Variants in ANKRD52 observed in about 807,000 individuals in gnomAD.
ANKRD52 encodes serine/threonine-protein phosphatase 6 regulatory ankyrin repeat subunit C.
A neutral mutation model predicts 116.0 loss-of-function variants in ANKRD52; 7 were observed. That is an observed-to-expected ratio of 0.06 (90% CI 0.03 to 0.11). The LOEUF (loss-of-function observed/expected upper bound fraction) is 0.11. Ranked by LOEUF, ANKRD52 falls within the 10% of genes least tolerant of loss-of-function variation. The pLI is 1.00. For missense variants in ANKRD52, 839 were observed against 1,408.6 expected, an observed-to-expected ratio of 0.60 and a Z score of 6.47; for synonymous variants, 528 against 578.1, an observed-to-expected ratio of 0.91 and a Z score of 1.24.
At position 56,244,240 on chromosome 12, in the gene ANKRD52, C is replaced by T. The variant is rs1374003223; in HGVS notation, c.2806-107G>A. The T allele has an allele frequency of 4.6e-6, 7 of 1,523,568 alleles. No homozygotes were observed. Among genetic ancestry groups the T allele is most frequent in the Middle Eastern group, 1.7e-4 (1 of 5,920 alleles). The allele number at this position is 1,523,568 out of a possible 1,614,324, so 94.4% of individuals were successfully genotyped here. On this transcript the variant is annotated intron_variant, in intron 25 of 27. Transcript: ENST00000267116. This position sits in a 1 kb window ranked among gnomAD's most constrained non-coding sequence, Gnocchi z 4.9. ...GAGGACAAACAGCTGCCCAACCAGT[C>T]GGATAGGCTGGACAATCCTCACTTC...
chr12:56,247,727 C>T lies in ANKRD52; in HGVS notation c.2026G>A (p.Glu676Lys). 1 of 1,612,636 alleles carries T rather than the reference C, an allele frequency of 6.2e-7. No individual in the cohort carries two copies. The highest frequency in any genetic ancestry group is 1.1e-5 in the South Asian group (1 of 90,686). The change falls in exon 19 of 28, where the codon GAA (glutamate) becomes AAA (lysine). Residue 676 changes from glutamate to lysine, a missense_variant. This residue lies in a region of ANKRD52 where 552 missense variants were observed against 810.6 expected (regional missense o/e 0.68). Coordinates refer to ENST00000267116, the MANE Select transcript of ANKRD52 (RefSeq NM_173595.4). ...DSLHLLIDSG[E>K]RADITDVMDA... is the part of the protein sequence containing the mutation. ...ATGACATCTGTGATGTCAGCTCGTTCCCCACTGTCGATCAGCAAGTGCAGG... is the reference window on the plus strand; with the variant it reads ...ATGACATCTGTGATGTCAGCTCGTTTCCCACTGTCGATCAGCAAGTGCAGG...
rs1313532697 is a variant in ANKRD52, at chr12:56,241,057, A to C, written c.*2085T>G. On this transcript the variant is annotated 3_prime_UTR_variant, in exon 28 of 28. Transcript: ENST00000267116. The stretch of plus-strand genomic sequence containing the variant: ...GAATTGAAGGGAAGGCAAGCTTTGC[A>C]GAGCCAGCAGGGTTGGGGATGGGGG... 1 of 152,282 alleles carries C rather than the reference A, an allele frequency of 6.6e-6. No individual in the cohort carries two copies. The highest frequency in any genetic ancestry group is 1.5e-5 in the Non-Finnish European group (1 of 68,084). 9.4% of individuals were successfully genotyped at this position (152,282 alleles called of 1,614,324 possible).
In ANKRD52 at chr12:56,241,155, G is replaced by C. The variant is rs1472026676; in HGVS notation, c.*1987C>G. On this transcript the variant is annotated 3_prime_UTR_variant, in exon 28 of 28. Transcript: ENST00000267116. ...ACGGTGTGGAGGGAGGTGGGCAAGA[G>C]GGGCGTCACAAGGCCCTTTGGCTTT... 2 of 145,884 alleles carry C rather than the reference G, an allele frequency of 1.4e-5. No homozygotes were observed. The highest frequency in any genetic ancestry group is 4.1e-4 in the East Asian group (2 of 4,852). The allele number at this position is 145,884 out of a possible 1,614,324, so 9.0% of individuals were successfully genotyped here. A position where few individuals can be genotyped will look rare whatever the true frequency, so the allele number is the denominator to read the frequency against.
chr12:56,250,934 TTTTA>T (rs933052882), intron 15 of ANKRD52, among the ~76,000 whole-genome samples: 9 of 152,032 alleles, frequency 5.9e-5, no homozygotes, highest in Admixed American at 3.3e-4. Flanking sequence ...TTTTATTTAA[TTTTA>T]TTTATTTATT....
At position 56,254,791 on chromosome 12, in the gene ANKRD52, G is replaced by A; in HGVS notation, c.551-71C>T. 1.1e-5 allele frequency: 18 copies of A among 1,599,784 alleles called. No individual in the cohort carries two copies. The highest frequency in any genetic ancestry group is 1.5e-5 in the Non-Finnish European group (17 of 1,167,898). On this transcript the variant is annotated intron_variant, in intron 6 of 27. Coordinates refer to ENST00000267116, the MANE Select transcript of ANKRD52 (RefSeq NM_173595.4). The surrounding 1 kb of genome is among the most constrained non-coding windows in gnomAD (Gnocchi z 4.6). Reference sequence around the variant, plus strand: ...AAGACCCTACACTCCTCTCTTCAAAGGCTGCAACCCCACATCCCTGCCCTA... The same window carrying A: ...AAGACCCTACACTCCTCTCTTCAAAAGCTGCAACCCCACATCCCTGCCCTA...
chr12:56,256,987 A>G (rs756402754), intron 4 of ANKRD52, 28 bp downstream of exon 4: 1 of 1,598,608 alleles, frequency 6.3e-7, no homozygotes, highest in East Asian at 2.2e-5. Context: ...TCCTTTTTGA[A>G]AGGGTAATAG....
At position 56,255,753 on chromosome 12, in the gene ANKRD52, C is replaced by T. The variant is rs761659437; in HGVS notation, c.462+31G>A. The T allele has an allele frequency of 3.3e-6, 5 of 1,529,128 alleles. No individual in the cohort carries two copies. The highest frequency in any genetic ancestry group is 2.5e-5 in the East Asian group (1 of 40,764). 94.7% of individuals were successfully genotyped at this position (1,529,128 alleles called of 1,614,324 possible). A position where few individuals can be genotyped will look rare whatever the true frequency, so the allele number is the denominator to read the frequency against. On this transcript the variant is annotated intron_variant, in intron 5 of 27. Coordinates refer to ENST00000267116, the MANE Select transcript of ANKRD52 (RefSeq NM_173595.4). This position sits in a 1 kb window ranked among gnomAD's most constrained non-coding sequence, Gnocchi z 4.3. Reference sequence around the variant, plus strand: ...TAGGAAGGTAAGAAAAGGGAAAGCCCCAGCTGGGCCTGGATGGGAACAGTC... The same window carrying T: ...TAGGAAGGTAAGAAAAGGGAAAGCCTCAGCTGGGCCTGGATGGGAACAGTC...
In ANKRD52 at chr12:56,252,688, G is replaced by T; in HGVS notation, c.1301+92C>A. Reference sequence around the variant, plus strand: ...TCTGCTGTGACTGCTTTCATTGTGAGAGGGGGAATAGATCTGGGCAGGCAA... The same window carrying T: ...TCTGCTGTGACTGCTTTCATTGTGATAGGGGGAATAGATCTGGGCAGGCAA... On this transcript the variant is annotated intron_variant, in intron 12 of 27. Transcript: ENST00000267116. This position sits in a 1 kb window ranked among gnomAD's most constrained non-coding sequence, Gnocchi z 4.7. The T allele has an allele frequency of 6.5e-7, 1 of 1,536,410 alleles. No individual in the cohort carries two copies. The highest frequency in any genetic ancestry group is 9.0e-7 in the Non-Finnish European group (1 of 1,112,944).
At position 56,255,973 on chromosome 12, in the gene ANKRD52, C is replaced by T; in HGVS notation, c.273G>A (p.Gly91=). Reference sequence around the variant, plus strand: ...CATCTGCTGAATGTGCCAGCAGCAGCCCCAGCACCTTCTGTTGAGGGGCAG... The same window carrying T: ...CATCTGCTGAATGTGCCAGCAGCAGTCCCAGCACCTTCTGTTGAGGGGCAG... ...AAASRNEKVL[G]LLLAHSADVN... is the part of the protein sequence containing the mutation. The change falls in exon 5 of 28, where the codon GGG becomes GGA. Residue 91 remains glycine, a synonymous_variant. Transcript: ENST00000267116. This position sits in a 1 kb window ranked among gnomAD's most constrained non-coding sequence, Gnocchi z 4.3. 1 of 1,567,886 alleles carries T rather than the reference C, an allele frequency of 6.4e-7. No individual in the cohort carries two copies. Among genetic ancestry groups the T allele is most frequent in the Non-Finnish European group, 8.7e-7 (1 of 1,154,288 alleles).
At position 56,244,644 on chromosome 12, in the gene ANKRD52, C is replaced by A. The variant is rs998281025; in HGVS notation, c.2722+8G>T. On this transcript the variant is annotated splice_region_variant and intron_variant, in intron 24 of 27. Coordinates refer to ENST00000267116, the MANE Select transcript of ANKRD52 (RefSeq NM_173595.4). The surrounding 1 kb of genome is among the most constrained non-coding windows in gnomAD (Gnocchi z 4.9). ...AGCTCCTCCCTTCCACAAGTGGCCC[C>A]TACACACCCACAGCAGCGGTCTGCC... is the stretch of plus-strand genomic sequence containing the variant. 3.1e-6 allele frequency: 5 copies of A among 1,613,440 alleles called. No individual in the cohort carries two copies. In the African/African-American group the frequency reaches 4.0e-5, roughly 13 times the overall value.
rs1871198768 is a variant in ANKRD52, at chr12:56,242,257, C to T, written c.*885G>A. 2.5e-6 allele frequency: 1 copy of T among 398,168 alleles called. No individual in the cohort carries two copies. The highest frequency in any genetic ancestry group is 4.4e-5 in the Admixed American group (1 of 22,680). 24.7% of individuals were successfully genotyped at this position (398,168 alleles called of 1,614,324 possible). On this transcript the variant is annotated 3_prime_UTR_variant, in exon 28 of 28. Coordinates refer to ENST00000267116, the MANE Select transcript of ANKRD52 (RefSeq NM_173595.4). This position sits in a 1 kb window ranked among gnomAD's most constrained non-coding sequence, Gnocchi z 4.3. Reference sequence around the variant, plus strand: ...GGCAGGAAATTAATTTGTTTCTTCCCCTAAAGGATAAAACGCTTACTTAAA... The same window carrying T: ...GGCAGGAAATTAATTTGTTTCTTCCTCTAAAGGATAAAACGCTTACTTAAA...
rs767440564 is a variant in ANKRD52 at position 56,244,865 on chromosome 12, C to G, written c.2576+41G>C. 2 of 1,613,782 alleles carry G rather than the reference C, an allele frequency of 1.2e-6. No homozygotes were observed. Among genetic ancestry groups the G allele is most frequent in the East Asian group, 2.2e-5 (1 of 44,892 alleles). On this transcript the variant is annotated intron_variant, in intron 23 of 27. Transcript: ENST00000267116. The surrounding 1 kb of genome is among the most constrained non-coding windows in gnomAD (Gnocchi z 4.9). ...TACTGCCCAAGCAGAAAGGGGAAGC[C>G]AGAGGCAACTGGGATTCTTCCCAAG... is the stretch of plus-strand genomic sequence containing the variant.
chr12:56,252,628 G>A lies in ANKRD52; in HGVS notation c.1302-58C>T. The A allele has an allele frequency of 6.3e-7, 1 of 1,575,480 alleles. No homozygotes were observed. The highest frequency in any genetic ancestry group is 8.7e-7 in the Non-Finnish European group (1 of 1,146,330). On this transcript the variant is annotated intron_variant, in intron 12 of 27. Coordinates refer to ENST00000267116, the MANE Select transcript of ANKRD52 (RefSeq NM_173595.4). This position sits in a 1 kb window ranked among gnomAD's most constrained non-coding sequence, Gnocchi z 4.7. ...CTCAAAGGGAAGCCACAGGCCCAGG[G>A]TGGGGCTAAGGAAGGATGGGACTAG...
At chr12:56,245,815 AGCGATTCTCCT>A (rs1181483098) in intron 20 of ANKRD52, among the ~76,000 whole-genome samples, 1 of 150,192 alleles carries the variant, frequency 6.7e-6, no homozygotes, top group Non-Finnish European at 1.5e-5. Flanking sequence ...CCCCGGTTCA[AGCGATTCTCCT>A]GCCTCAGCCT....
In ANKRD52 at chr12:56,253,182, G is replaced by T; in HGVS notation, c.1101-96C>A. On this transcript the variant is annotated intron_variant, in intron 10 of 27. Coordinates refer to ENST00000267116, the MANE Select transcript of ANKRD52 (RefSeq NM_173595.4). This position sits in a 1 kb window ranked among gnomAD's most constrained non-coding sequence, Gnocchi z 5.5. ...CACCACCCTAGAGTCAGGGTAGGAG[G>T]TTCTCCAAGGTGCCCTTTGGCAAGC... The T allele has an allele frequency of 1.4e-6, 2 of 1,445,622 alleles. No individual in the cohort carries two copies. Among genetic ancestry groups the T allele is most frequent in the South Asian group, 2.6e-5 (2 of 78,144 alleles). 89.5% of individuals were successfully genotyped at this position (1,445,622 alleles called of 1,614,324 possible).
chr12:56,237,914 G>T lies in ANKRD52; in HGVS notation c.*5228C>A, dbSNP rs997432366. On this transcript the variant is annotated 3_prime_UTR_variant, in exon 28 of 28. Coordinates refer to ENST00000267116, the MANE Select transcript of ANKRD52 (RefSeq NM_173595.4). ...AAACCAGAGTGTGGTGGGAGGACCC[G>T]AAGCCGGTTGGGGGAGGATGTGAGT... 1 of 721,872 alleles carries T rather than the reference G, an allele frequency of 1.4e-6. No homozygotes were observed. The allele number at this position is 721,872 out of a possible 1,614,324, so 44.7% of individuals were successfully genotyped here. A position where few individuals can be genotyped will look rare whatever the true frequency, so the allele number is the denominator to read the frequency against.
At chr12:56,249,777 C>T (rs530878294) in intron 15 of ANKRD52, among the ~76,000 whole-genome samples, 11 of 152,318 alleles carry the variant, frequency 7.2e-5, no homozygotes, top group African/African-American at 2.4e-4. Flanking sequence ...TGGTGGCTCA[C>T]GCCTGCAATC....
At chr12:56,257,403 A>AG (rs1205682637) in intron 2 of ANKRD52, 42 bp from the exon 3 acceptor site, 5 of 1,519,356 alleles carry the variant, frequency 3.3e-6, no homozygotes, top group Non-Finnish European at 4.5e-6. Flanking sequence ...GCGCGGGGTA[A>AG]GGGGGCTATC....
intron 2 of ANKRD52, 104 bp from the exon 3 acceptor site, chr12:56,257,465 C>T (rs780093246): frequency 3.8e-6 from 4 of 1,045,060 alleles, no homozygotes; most frequent in East Asian, 2.6e-5. Flanking sequence ...ACAACCTCTT[C>T]CCATAGTTTC....
Sources: gnomAD v4.1 joint callset for allele counts (sites outside exome capture counted in the v4.1 genomes callset) on GRCh38, gnomAD v4.1.1 for gene constraint, gnomAD v4.1.1 regional missense constraint, Gnocchi (gnomAD v3.1) non-coding constraint, MANE v1.5 for transcripts, NCBI Gene and HGNC (gene_info 2026-07-23, HGNC 2026-07-21) for gene names.